The following AKR1E2 variants were observed in gnomAD, a reference collection of about 807,000 sequenced individuals.
AKR1E2 encodes the protein aldo-keto reductase family 1 member E2, also known as 1,5-anhydro-D-fructose reductase.
AKR1E2 carries 43 observed loss-of-function variants against 41.9 expected under a neutral mutation model. The observed-to-expected ratio is 1.03, with a 90% CI of 0.80 to 1.32. AKR1E2 has a LOEUF of 1.32. Ranked by LOEUF, AKR1E2 falls within the 40% of genes most tolerant of loss-of-function variation. The pLI is 0.00. For synonymous variants in AKR1E2, 121 were observed against 138.9 expected (o/e 0.87, Z 0.91); for missense variants, 423 against 396.5 (o/e 1.07, Z -0.57).
At chr10:4,853,027 A>T (rs923634878), downstream of AKR1E2, among the ~76,000 whole-genome samples, 7 of 152,236 alleles carry the variant, frequency 4.6e-5, no homozygotes, top group Non-Finnish European at 7.3e-5. Flanking sequence ...TCAGAGTGGG[A>T]TAGATGTTAC....
chr10:4,854,866 T>C, the AKR1E2 span, among the ~76,000 whole-genome samples: 1 of 152,162 alleles, frequency 6.6e-6, no homozygotes, highest in African/African-American at 2.4e-5. Flanking sequence ...TAGAGGCCCC[T>C]CTGGGTAAAG....
rs778717100 is a variant in AKR1E2 at position 4,837,560 on chromosome 10, G to T, written c.561G>T (p.Arg187Ser). The T allele has an allele frequency of 1.2e-6, 2 of 1,613,502 alleles. No individual in the cohort carries two copies. Among genetic ancestry groups the T allele is most frequent in the Non-Finnish European group, 1.7e-6 (2 of 1,179,706 alleles). ...GGCTTTTGAATAAGCCTGGGTTGAG[G>T]TTCAAGCCACTAACCAACCAGGTAA... ...LERLLNKPGL[R>S]FKPLTNQIEC... The change falls in exon 5 of 10, where the codon AGG becomes AGT. Residue 187 changes from arginine to serine, a missense_variant. Coordinates refer to ENST00000298375, the MANE Select transcript of AKR1E2 (RefSeq NM_001040177.3).
chr10:4,847,089 G>A (rs536798668), intron 8 of AKR1E2, 59 bp from the exon 9 acceptor site: 11 of 1,588,912 alleles, frequency 6.9e-6, no homozygotes, highest in South Asian at 2.2e-5. Flanking sequence ...TAGGTAACAT[G>A]TGCTCCATTA....
chr10:4,864,507 C>T, the AKR1E2 span, among the ~76,000 whole-genome samples: 2 of 152,030 alleles, frequency 1.3e-5, no homozygotes, highest in African/African-American at 4.8e-5. Flanking sequence ...CAGTATCGTA[C>T]TGAATGGGCA....
the AKR1E2 span, among the ~76,000 whole-genome samples, chr10:4,864,820 G>A: frequency 6.6e-6 from 1 of 152,196 alleles, no homozygotes; most frequent in Admixed American, 6.5e-5. Context: ...CAATAACAGA[G>A]TAAGTGAATT....
the AKR1E2 span, among the ~76,000 whole-genome samples, chr10:4,864,607 A>G: frequency 6.6e-6 from 1 of 152,200 alleles, no homozygotes. Flanking sequence ...AGTTCTGGCC[A>G]GGGCAATCAG....
At chr10:4,865,105 G>T in the AKR1E2 span, among the ~76,000 whole-genome samples, 1 of 152,096 alleles carries the variant, frequency 6.6e-6, no homozygotes, top group Admixed American at 6.5e-5. Context: ...GGTGAATAAA[G>T]TTACTCTCTA....
At chr10:4,844,345 G>A (rs1372615783) in intron 8 of AKR1E2, among the ~76,000 whole-genome samples, 1 of 152,182 alleles carries the variant, frequency 6.6e-6, no homozygotes, top group African/African-American at 2.4e-5. Context: ...TGCGGTGAGT[G>A]TTACAGCTCA....
rs137975021 is a variant in AKR1E2, at chr10:4,846,844, G to A, written c.838-304G>A. Among the ~76,000 whole-genome samples the A allele has an allele frequency of 1.2e-4, 19 of 152,228 alleles. 1 individual carries two copies. In the South Asian group the frequency reaches 1.7e-3, roughly 13 times the overall value. ...CAGGCGTGAACCACCGCGCCCAGCC[G>A]CTATAACTTTTAACAATTCCCATAT... On this transcript the variant is annotated intron_variant, in intron 8 of 9. Coordinates refer to ENST00000298375, the MANE Select transcript of AKR1E2 (RefSeq NM_001040177.3).
the AKR1E2 span, among the ~76,000 whole-genome samples, chr10:4,855,250 T>C: frequency 6.6e-6 from 1 of 152,172 alleles, no homozygotes; most frequent in Non-Finnish European, 1.5e-5. Flanking sequence ...TTGTAAAGTG[T>C]TGATTAATGG....
intron 4 of AKR1E2, among the ~76,000 whole-genome samples, chr10:4,836,708 A>C (rs1833455748): frequency 6.6e-6 from 1 of 152,024 alleles, no homozygotes; most frequent in Admixed American, 6.5e-5. Flanking sequence ...ATGGGCCTCA[A>C]CTCTTTCTGT....
chr10:4,860,148 C>T, the AKR1E2 span, among the ~76,000 whole-genome samples: 1 of 152,192 alleles, frequency 6.6e-6, no homozygotes, highest in East Asian at 1.9e-4. Context: ...CCTACACTAT[C>T]CCCCCATGTT....
At position 4,833,572 on chromosome 10, in the gene AKR1E2, G is replaced by A. The variant is rs1442312381; in HGVS notation, c.324+106G>A. The stretch of plus-strand genomic sequence containing the variant: ...GCATGGACCAGCATTCAGGGCAGGG[G>A]TTCCCAGGCTGCATCTGCCACATGC... On this transcript the variant is annotated intron_variant, in intron 3 of 9. Transcript: ENST00000298375. 11 of 952,556 alleles carry A rather than the reference G, an allele frequency of 1.2e-5. No homozygotes were observed. In the South Asian group the frequency reaches 1.6e-4, roughly 14 times the overall value. The allele number at this position is 952,556 out of a possible 1,614,324, so 59.0% of individuals were successfully genotyped here. A position where few individuals can be genotyped will look rare whatever the true frequency, so the allele number is the denominator to read the frequency against.
downstream of AKR1E2, among the ~76,000 whole-genome samples, chr10:4,850,373 G>T (rs1034074640): frequency 1.3e-5 from 2 of 152,182 alleles, no homozygotes; most frequent in Non-Finnish European, 2.9e-5. Flanking sequence ...AAGGATAAGT[G>T]GTAATCAAAG....
rs904791857 is a variant in AKR1E2, at chr10:4,835,936, CA to C, written c.459+133del. The C allele has an allele frequency of 1.3e-5, 18 of 1,363,482 alleles. No homozygotes were observed. The Admixed American group carries it at 3.4e-4, about 25-fold the overall frequency. The allele number at this position is 1,363,482 out of a possible 1,614,324, so 84.5% of individuals were successfully genotyped here. A position where few individuals can be genotyped will look rare whatever the true frequency, so the allele number is the denominator to read the frequency against. ...TACCTGAGATGTGGGGTTTGTGGAG[CA>C]AAAAAGGAATCAATACCCGAAGAAC... On this transcript the variant is annotated intron_variant, in intron 4 of 9. Transcript: ENST00000298375.
At chr10:4,866,217 T>C in the AKR1E2 span, among the ~76,000 whole-genome samples, 1 of 152,206 alleles carries the variant, frequency 6.6e-6, no homozygotes, top group Non-Finnish European at 1.5e-5. Context: ...TTGAATTACA[T>C]AATAAAAGGT....
intron 1 of AKR1E2, 77 bp downstream of exon 1, chr10:4,826,440 C>A: frequency 8.4e-7 from 1 of 1,196,364 alleles, no homozygotes; most frequent in Non-Finnish European, 1.0e-6. Flanking sequence ...GGGACCCAGG[C>A]CGGGGCTGGG....
intron 5 of AKR1E2, among the ~76,000 whole-genome samples, chr10:4,839,394 G>T (rs1564267958): frequency 6.6e-6 from 1 of 152,240 alleles, no homozygotes; most frequent in Non-Finnish European, 1.5e-5. Flanking sequence ...GATAGTGATA[G>T]ATGCTGTAGA....
the AKR1E2 span, among the ~76,000 whole-genome samples, chr10:4,857,054 A>G: frequency 6.6e-6 from 1 of 152,068 alleles, no homozygotes; most frequent in African/African-American, 2.4e-5. Context: ...TGATCTATAC[A>G]TTTGACTCCT....
Sources: gnomAD v4.1 joint callset for allele counts (sites outside exome capture counted in the v4.1 genomes callset) on GRCh38, gnomAD v4.1.1 for gene constraint, MANE v1.5 for transcripts, NCBI Gene and HGNC (gene_info 2026-07-23, HGNC 2026-07-21) for gene names.